QTGAL: variants seen among roughly 807,000 people sequenced by gnomAD.
QTGAL encodes the protein BGnT-like protein 1.
At chr17:82,960,765 A>G in the QTGAL span, among the ~76,000 whole-genome samples, 1 of 152,232 alleles carries the variant, frequency 6.6e-6, no homozygotes, top group African/African-American at 2.4e-5. Context: ...AAGGGAGCAC[A>G]GGGTTTCAGA....
the QTGAL span, among the ~76,000 whole-genome samples, chr17:83,027,877 G>A: frequency 2.0e-5 from 3 of 152,198 alleles, no homozygotes; most frequent in South Asian, 6.2e-4. Flanking sequence ...ACTCTGGGAG[G>A]TCGAGGCGAG....
the QTGAL span, among the ~76,000 whole-genome samples, chr17:82,959,350 AGTGT>A: frequency 3.3e-5 from 5 of 150,730 alleles, no homozygotes; most frequent in Admixed American, 6.6e-5. Flanking sequence ...GTGTACATGC[AGTGT>A]GTGTGCACGT....
the QTGAL span, among the ~76,000 whole-genome samples, chr17:82,971,362 G>T: frequency 6.6e-6 from 1 of 152,200 alleles, no homozygotes; most frequent in African/African-American, 2.4e-5. Flanking sequence ...GGCTCAGTCA[G>T]CACAGAGCAC....
the QTGAL span, among the ~76,000 whole-genome samples, chr17:83,036,723 TC>T: frequency 6.6e-6 from 1 of 152,098 alleles, no homozygotes; most frequent in Non-Finnish European, 1.5e-5. Flanking sequence ...CAGACCACCG[TC>T]CTGGGTGCTG....
the QTGAL span, among the ~76,000 whole-genome samples, chr17:83,010,892 C>T: frequency 6.6e-6 from 1 of 152,292 alleles, no homozygotes; most frequent in African/African-American, 2.4e-5. Context: ...TCCTCCGCGT[C>T]GCTTCCCTAC....
chr17:82,955,797 C>CCCA, the QTGAL span, among the ~76,000 whole-genome samples: 2 of 152,048 alleles, frequency 1.3e-5, no homozygotes, highest in South Asian at 2.1e-4. Context: ...GCACATATAG[C>CCCA]CCATGGAATA....
At chr17:82,989,238 A>G in the QTGAL span, among the ~76,000 whole-genome samples, 4 of 152,066 alleles carry the variant, frequency 2.6e-5, no homozygotes, top group Admixed American at 2.6e-4. Context: ...AGCAAACCAA[A>G]ACAGGAACAG....
chr17:82,979,242 G>A, the QTGAL span: 2 of 152,016 alleles, frequency 1.3e-5, no homozygotes, highest in African/African-American at 4.8e-5. Flanking sequence ...AAAAGTGAGA[G>A]GACCCAAATA....
At chr17:82,988,536 C>G in the QTGAL span, among the ~76,000 whole-genome samples, 1 of 152,136 alleles carries the variant, frequency 6.6e-6, no homozygotes, top group South Asian at 2.1e-4. Context: ...AGCTTCTGCA[C>G]AGCAAAAGAA....
At chr17:82,957,438 C>T in the QTGAL span, 1 of 1,611,886 alleles carries the variant, frequency 6.2e-7, no homozygotes. Context: ...GAAGGCCGCC[C>T]AGCGGGGCAG....
At chr17:82,972,300 T>C in the QTGAL span, among the ~76,000 whole-genome samples, 656 of 41,736 alleles carry the variant, frequency 0.016, 4 homozygotes, top group African/African-American at 0.05. Flanking sequence ...GACCTGGTAC[T>C]GACCACACCA....
chr17:82,957,154 A>G, the QTGAL span: 1 of 1,614,012 alleles, frequency 6.2e-7, no homozygotes, highest in East Asian at 2.2e-5. Flanking sequence ...GTTGACCCCA[A>G]GGGTGACACC....
At chr17:82,963,619 T>A in the QTGAL span, among the ~76,000 whole-genome samples, 1 of 151,188 alleles carries the variant, frequency 6.6e-6, no homozygotes. Flanking sequence ...TGCGGGGAGG[T>A]GGCGGAGACC....
chr17:83,024,240 C>T, the QTGAL span, among the ~76,000 whole-genome samples: 3 of 152,134 alleles, frequency 2.0e-5, no homozygotes, highest in East Asian at 5.8e-4. Flanking sequence ...TCAGGTGGTC[C>T]CGGCCACAGC....
At chr17:82,971,484 T>A in the QTGAL span, among the ~76,000 whole-genome samples, 1 of 152,024 alleles carries the variant, frequency 6.6e-6, no homozygotes, top group Admixed American at 6.5e-5. Flanking sequence ...CGCCGTCTCC[T>A]CCCTGGGGCC....
At chr17:82,958,817 T>TGTGGGGGTGTATG in the QTGAL span, among the ~76,000 whole-genome samples, 1 of 117,018 alleles carries the variant, frequency 8.5e-6, no homozygotes, top group African/African-American at 2.9e-5. Flanking sequence ...GTGTATACTG[T>TGTGGGGGTGTATG]GTGGGGGTGT....
chr17:82,942,648 A>G, the QTGAL span: 7 of 691,480 alleles, frequency 1.0e-5, no homozygotes, highest in African/African-American at 1.8e-5. Flanking sequence ...CTTGGGGTGG[A>G]CGCCTCTGCC....
chr17:82,963,220 G>A, the QTGAL span, among the ~76,000 whole-genome samples: 5 of 152,168 alleles, frequency 3.3e-5, no homozygotes, highest in Non-Finnish European at 7.4e-5. Flanking sequence ...CAGGAAGGCC[G>A]GGCCAGAGGC....
At chr17:83,038,528 T>C in the QTGAL span, among the ~76,000 whole-genome samples, 1 of 152,194 alleles carries the variant, frequency 6.6e-6, no homozygotes, top group Non-Finnish European at 1.5e-5. Context: ...CATCCAACTA[T>C]AAAAGATGCA....
Sources: gnomAD v4.1 joint callset for allele counts (sites outside exome capture counted in the v4.1 genomes callset) on GRCh38, gnomAD v4.1.1 for gene constraint, MANE v1.5 for transcripts, NCBI Gene and HGNC (gene_info 2026-07-23, HGNC 2026-07-21) for gene names.